Variants in EGFR observed in about 807,000 individuals in gnomAD.
EGFR encodes avian erythroblastic leukemia viral (v-erb-b) oncogene homolog.
In EGFR, 58 loss-of-function variants were observed where a neutral mutation model predicts 143.0. The observed-to-expected ratio is 0.41, with a 90% CI of 0.33 to 0.50. The LOEUF is 0.50. Ranked by LOEUF, EGFR falls within the 20% of genes least tolerant of loss-of-function variation. EGFR has a pLI of 0.39. For synonymous variants in EGFR, 613 were observed against 594.4 expected (o/e 1.03, Z -0.45); for missense variants, 1,307 against 1,579.0 (o/e 0.83, Z 2.92).
intron 1 of EGFR, among the ~76,000 whole-genome samples, chr7:55,138,601 G>C (rs1293588399): frequency 1.3e-5 from 2 of 152,188 alleles, no homozygotes; most frequent in Admixed American, 1.3e-4. Context: ...AGACAATATA[G>C]AGTGGCTGAC....
chr7:55,201,473 C>T (rs1787847366), intron 25 of EGFR, 118 bp downstream of exon 25: 3 of 1,433,526 alleles, frequency 2.1e-6, no homozygotes, highest in South Asian at 2.5e-5. Flanking sequence ...CAATTTTAAC[C>T]AAATGGTAAA....
At chr7:55,033,428 T>A (rs1787378444) in intron 1 of EGFR, among the ~76,000 whole-genome samples, 1 of 152,162 alleles carries the variant, frequency 6.6e-6, no homozygotes, top group African/African-American at 2.4e-5. Context: ...CAGGGCCCCC[T>A]GGGGACTGCA....
At chr7:55,170,678 T>C in intron 15 of EGFR, 1 of 1,587,168 alleles carries the variant, frequency 6.3e-7, no homozygotes, top group Non-Finnish European at 8.5e-7. Context: ...TCACCCCAAC[T>C]AGTAGCTAAC....
At chr7:55,161,248 G>A (rs1245819565) in intron 12 of EGFR, among the ~76,000 whole-genome samples, 1 of 152,216 alleles carries the variant, frequency 6.6e-6, no homozygotes, top group Non-Finnish European at 1.5e-5. Context: ...GCTCCCACCA[G>A]GAGGAAGACC....
At chr7:55,026,169 G>T (rs754490658) in intron 1 of EGFR, among the ~76,000 whole-genome samples, 2 of 152,078 alleles carry the variant, frequency 1.3e-5, no homozygotes, top group African/African-American at 2.4e-5. Context: ...CTGAGGAGTG[G>T]ATTACATGTT....
chr7:55,127,835 C>T (rs1009795370), intron 1 of EGFR, among the ~76,000 whole-genome samples: 2 of 152,224 alleles, frequency 1.3e-5, no homozygotes, highest in Non-Finnish European at 1.5e-5. Context: ...CTTCAGATTA[C>T]AGATTGCAGA....
Position 55,163,821 on chromosome 7 carries a change from C to T in EGFR, c.1720C>T (p.Arg574Trp), listed in dbSNP as rs760471492. ...GGCCATGAACATCACCTGCACAGGA[C>T]GGGTAAGAGCCCCTTGCTGCTATCC... ...PQAMNITCTG[R>W]GPDNCIQCAH... Residue 574 changes from arginine (R) to tryptophan (W), a missense_variant and splice_region_variant, in exon 14 of 28, where the codon CGG (arginine) becomes TGG (tryptophan). Arg to Trp is a moderately radical substitution (Grantham distance 101). This residue lies in a region of EGFR where 250 missense variants were observed against 295.1 expected (regional missense o/e 0.85). Coordinates refer to ENST00000275493, the MANE Select transcript of EGFR (RefSeq NM_005228.5). 1.5e-5 allele frequency: 24 copies of T among 1,614,134 alleles called. No homozygotes were observed. Among genetic ancestry groups the T allele is most frequent in the East Asian group, 4.5e-5 (2 of 44,888 alleles).
chr7:55,119,010 A>G (rs1793044009), intron 1 of EGFR: 1 of 152,180 alleles, frequency 6.6e-6, no homozygotes, highest in Admixed American at 6.5e-5. Flanking sequence ...TGAACAATGG[A>G]CCAAGTAAGC....
intron 1 of EGFR, among the ~76,000 whole-genome samples, chr7:55,082,518 G>A (rs998543273): frequency 1.2e-4 from 18 of 152,200 alleles, no homozygotes; most frequent in Non-Finnish European, 1.9e-4. Flanking sequence ...AACCACCCAA[G>A]GGAGAAAGCA....
At chr7:55,118,868 C>T (rs550167188) in intron 1 of EGFR, among the ~76,000 whole-genome samples, 2 of 152,108 alleles carry the variant, frequency 1.3e-5, no homozygotes, top group Non-Finnish European at 2.9e-5. Context: ...GTAGCAAACT[C>T]GTGGGAAAAT....
At chr7:55,091,428 G>A (rs370980501) in intron 1 of EGFR, among the ~76,000 whole-genome samples, 1 of 152,184 alleles carries the variant, frequency 6.6e-6, no homozygotes, top group Non-Finnish European at 1.5e-5. Context: ...AATGAGAGGC[G>A]AAGCCATAGC....
At position 55,189,719 on chromosome 7, in the gene EGFR, C is replaced by T. The variant is rs1357416125; in HGVS notation, c.2470-2000C>T. ...CCTGCTCAACAGCTACCACAGAGGACGCCTTCAACAAATGTGAAGAACGAA... is the reference window on the plus strand; with the variant it reads ...CCTGCTCAACAGCTACCACAGAGGATGCCTTCAACAAATGTGAAGAACGAA... On this transcript the variant is annotated intron_variant, in intron 20 of 27. Transcript: ENST00000275493. 3.9e-5 allele frequency among the ~76,000 whole-genome samples: 6 copies of T among 152,114 alleles called. No homozygotes were observed. In the East Asian group the frequency reaches 5.8e-4, roughly 15 times the overall value.
chr7:55,119,708 G>A (rs768501729), intron 1 of EGFR, among the ~76,000 whole-genome samples: 4 of 152,210 alleles, frequency 2.6e-5, no homozygotes, highest in Non-Finnish European at 5.9e-5. Flanking sequence ...CTATGCTTTT[G>A]TCTTCCTGGG....
chr7:55,168,065 C>A (rs909648882), intron 15 of EGFR, among the ~76,000 whole-genome samples: 2 of 152,098 alleles, frequency 1.3e-5, no homozygotes, highest in African/African-American at 4.8e-5. Context: ...ACAAATATTT[C>A]CCTGGGAACA....
chr7:55,181,653 A>G, intron 20 of EGFR, 175 bp downstream of exon 20: 1 of 767,138 alleles, frequency 1.3e-6, no homozygotes, highest in Non-Finnish European at 2.2e-6. Flanking sequence ...TGCACAAATC[A>G]GTGCCTGTCC....
In EGFR at chr7:55,172,979, C is replaced by T. The variant is rs2128952369; in HGVS notation, c.1920-4C>T. Reference sequence around the variant, plus strand: ...CCCTTCCTTGTTCCTCCACCTCATTCCAGGCCTAAGATCCCGTCCATCGCC... The same window carrying T: ...CCCTTCCTTGTTCCTCCACCTCATTTCAGGCCTAAGATCCCGTCCATCGCC... On this transcript the variant is annotated splice_region_variant and splice_polypyrimidine_tract_variant and intron_variant, in intron 16 of 27. Transcript: ENST00000275493. 1.2e-6 allele frequency: 2 copies of T among 1,614,216 alleles called. No homozygotes were observed. Among genetic ancestry groups the T allele is most frequent in the Non-Finnish European group, 1.7e-6 (2 of 1,180,042 alleles).
In EGFR at chr7:55,173,099, T is replaced by C. The variant is rs2128952660; in HGVS notation, c.2036T>C (p.Leu679Pro). Residue 679 changes from leucine (L) to proline (P), a missense_variant, in exon 17 of 28, where the codon CTG becomes CCG. Leu to Pro is a moderately conservative substitution (Grantham distance 98). Transcript: ENST00000275493. ...CGCCACATCGTTCGGAAGCGCACGC[T>C]GCGGAGGCTGCTGCAGGAGAGGGAG... Reference protein sequence around the residue: ...RRRHIVRKRTLRRLLQERELV... With the variant: ...RRRHIVRKRTPRRLLQERELV... The C allele has an allele frequency of 6.2e-7, 1 of 1,611,888 alleles. No individual in the cohort carries two copies. The highest frequency in any genetic ancestry group is 8.5e-7 in the Non-Finnish European group (1 of 1,179,994).
At chr7:55,187,587 G>T (rs969674372) in intron 20 of EGFR, among the ~76,000 whole-genome samples, 5 of 152,232 alleles carry the variant, frequency 3.3e-5, no homozygotes, top group African/African-American at 1.2e-4. Context: ...CCGAGGTCTA[G>T]CACTTACTCT....
intron 1 of EGFR, among the ~76,000 whole-genome samples, chr7:55,101,061 G>A (rs558525622): frequency 1.1e-4 from 16 of 152,330 alleles, no homozygotes; most frequent in African/African-American, 3.6e-4. Context: ...TCCCGCGGCT[G>A]AGCAGCCTCC....
Sources: allele counts gnomAD v4.1 joint callset (sites outside exome capture counted in the v4.1 genomes callset), GRCh38; gene constraint gnomAD v4.1.1; regional missense constraint gnomAD v4.1.1; transcripts MANE v1.5; gene names NCBI Gene and HGNC (gene_info 2026-07-23, HGNC 2026-07-21).